The following CHEK2 variants were observed in gnomAD, a reference collection of about 807,000 sequenced individuals.
CHEK2 encodes serine/threonine-protein kinase Chk2.
In CHEK2, 71 loss-of-function variants were observed where a neutral mutation model predicts 69.1. That is an observed-to-expected ratio of 1.03 (90% CI 0.85 to 1.25). CHEK2 has a LOEUF of 1.25. Among genes scored for constraint, CHEK2 ranks in the 50% most tolerant of loss-of-function variants. CHEK2 has a pLI of 0.00. For missense variants in CHEK2, 664 were observed against 649.6 expected, an observed-to-expected ratio of 1.02 and a Z score of -0.24; for synonymous variants, 189 against 226.9, an observed-to-expected ratio of 0.83 and a Z score of 1.50.
intron 6 of CHEK2, among the ~76,000 whole-genome samples, chr22:28,710,622 G>A (rs2053358948): frequency 6.6e-6 from 1 of 152,184 alleles, no homozygotes; most frequent in African/African-American, 2.4e-5. Context: ...ACAAGAGGAG[G>A]CTTCAGGGTA....
At chr22:28,711,812 G>T in intron 6 of CHEK2, 97 bp downstream of exon 6, 1 of 865,334 alleles carries the variant, frequency 1.2e-6, no homozygotes, top group South Asian at 1.4e-5. Context: ...CTAAGCAGGG[G>T]GTTATTCCTG....
At chr22:28,693,739 A>G (rs1489588636) in intron 13 of CHEK2, among the ~76,000 whole-genome samples, 6 of 152,172 alleles carry the variant, frequency 3.9e-5, no homozygotes, top group Admixed American at 1.3e-4. Flanking sequence ...TGCACCTGTA[A>G]TCCCAGCTAC....
intron 5 of CHEK2, among the ~76,000 whole-genome samples, chr22:28,718,435 CA>C (rs1282151492): frequency 1.3e-5 from 2 of 151,008 alleles, no homozygotes; most frequent in East Asian, 1.9e-4. Flanking sequence ...GATATATATC[CA>C]AAAAAAAATT....
rs551671478 is a variant in CHEK2, at chr22:28,701,041, G to A, written c.909-1104C>T. On this transcript the variant is annotated intron_variant, in intron 8 of 14. Transcript: ENST00000404276. ...TGACCTCAGGTGATCTGCTCCCCTCGGCCTCTCAAAGTGCTGGGATTACAG... is the reference window on the plus strand; with the variant it reads ...TGACCTCAGGTGATCTGCTCCCCTCAGCCTCTCAAAGTGCTGGGATTACAG... Among the ~76,000 whole-genome samples the A allele has an allele frequency of 1.3e-4, 20 of 151,470 alleles. No homozygotes were observed. In the South Asian group the frequency reaches 3.8e-3, roughly 29 times the overall value.
rs188679956 is a variant in CHEK2, at chr22:28,732,583, G to A, written c.319+1820C>T. Among the ~76,000 whole-genome samples, 11 of 152,218 alleles carry A rather than the reference G, an allele frequency of 7.2e-5. No individual in the cohort carries two copies. The East Asian group carries it at 2.1e-3, about 29-fold the overall frequency. ...TTTTAAATCAGTTAAAAATAGCTTC[G>A]AGTGTCTACTTATAAATTTAAAGTT... On this transcript the variant is annotated intron_variant, in intron 2 of 14. Transcript: ENST00000404276.
intron 2 of CHEK2, among the ~76,000 whole-genome samples, chr22:28,733,858 G>A (rs1349606853): frequency 6.6e-6 from 1 of 151,030 alleles, no homozygotes; most frequent in Non-Finnish European, 1.5e-5. Flanking sequence ...GTCAGAGGCT[G>A]CAGTGAGCCG....
At chr22:28,741,200 C>T (rs1442358401) in intron 1 of CHEK2, among the ~76,000 whole-genome samples, 1 of 141,574 alleles carries the variant, frequency 7.1e-6, no homozygotes, top group Non-Finnish European at 1.5e-5. Flanking sequence ...TATATGTATA[C>T]TTTATATCAA....
At chr22:28,703,959 A>G (rs916075974) in intron 7 of CHEK2, among the ~76,000 whole-genome samples, 1 of 152,200 alleles carries the variant, frequency 6.6e-6, no homozygotes, top group African/African-American at 2.4e-5. Context: ...GAGCCCAGCC[A>G]TGCTGCCAAA....
At position 28,687,868 on chromosome 22, in the gene CHEK2, A is replaced by C; in HGVS notation, c.*29T>G. ...GAAAGATGACAGAGTGAAAGAAGGT[A>C]CATTTCTTTCGTGTTCAAACCACGG... is the stretch of plus-strand genomic sequence containing the variant. On this transcript the variant is annotated 3_prime_UTR_variant, in exon 15 of 15. Coordinates refer to ENST00000404276, the MANE Select transcript of CHEK2 (RefSeq NM_007194.4). 2 of 1,497,462 alleles carry C rather than the reference A, an allele frequency of 1.3e-6. No homozygotes were observed. The highest frequency in any genetic ancestry group is 1.8e-6 in the Non-Finnish European group (2 of 1,089,358). The allele number at this position is 1,497,462 out of a possible 1,614,324, so 92.8% of individuals were successfully genotyped here.
At chr22:28,707,935 C>T (rs1376785332) in intron 7 of CHEK2, among the ~76,000 whole-genome samples, 3 of 145,534 alleles carry the variant, frequency 2.1e-5, no homozygotes, top group African/African-American at 7.6e-5. Context: ...CTCCCGGGTT[C>T]ACGCCATTCT....
intron 2 of CHEK2, among the ~76,000 whole-genome samples, chr22:28,732,946 C>A (rs1202400334): frequency 6.6e-6 from 1 of 152,118 alleles, no homozygotes; most frequent in Non-Finnish European, 1.5e-5. Context: ...CATGCGCCAC[C>A]ACACCTGGCT....
In CHEK2 at chr22:28,734,654, C is replaced by T. The variant is rs1601853772; in HGVS notation, c.68G>A (p.Gly23Asp). The T allele has an allele frequency of 6.2e-7, 1 of 1,613,856 alleles. No individual in the cohort carries two copies. The highest frequency in any genetic ancestry group is 8.5e-7 in the Non-Finnish European group (1 of 1,180,000). Residue 23 changes from glycine (G) to aspartate (D), a missense_variant, in exon 2 of 15, where the codon GGC becomes GAC. Coordinates refer to ENST00000404276, the MANE Select transcript of CHEK2 (RefSeq NM_007194.4). ...HGSSACSQPHGSVTQSQGSSS... is the reference protein window; with the variant it reads ...HGSSACSQPHDSVTQSQGSSS... ...GGAGCCTTGGGACTGGGTAACGCTG[C>T]CATGGGGCTGTGAACAGGCACTGCT...
At chr22:28,730,044 C>T (rs2054148933) in intron 2 of CHEK2, among the ~76,000 whole-genome samples, 1 of 150,778 alleles carries the variant, frequency 6.6e-6, no homozygotes, top group Non-Finnish European at 1.5e-5. Flanking sequence ...GGGGTTTCAC[C>T]ATGTTGGCCA....
At chr22:28,723,861 A>T (rs2053892051) in intron 4 of CHEK2, among the ~76,000 whole-genome samples, 1 of 151,878 alleles carries the variant, frequency 6.6e-6, no homozygotes, top group Non-Finnish European at 1.5e-5. Flanking sequence ...AGGTGGGAGG[A>T]TCACTTGAGC....
intron 7 of CHEK2, 60 bp downstream of exon 7, chr22:28,709,946 A>G: frequency 9.9e-7 from 1 of 1,005,468 alleles, no homozygotes; most frequent in East Asian, 2.5e-5. Context: ...GAAAGGCTTT[A>G]TACTCTTCTC....
intron 4 of CHEK2, among the ~76,000 whole-genome samples, chr22:28,723,928 C>A (rs1273279840): frequency 6.6e-6 from 1 of 150,648 alleles, no homozygotes; most frequent in East Asian, 2.0e-4. Flanking sequence ...AGAGTGAGAC[C>A]ATGTCTCGAA....
At chr22:28,708,090 C>T (rs1370124027) in intron 7 of CHEK2, among the ~76,000 whole-genome samples, 7 of 152,148 alleles carry the variant, frequency 4.6e-5, no homozygotes, top group Admixed American at 4.6e-4. Flanking sequence ...CCACCCGCCC[C>T]GGCTTCCCAA....
At chr22:28,736,647 C>T (rs1022182975) in intron 1 of CHEK2, among the ~76,000 whole-genome samples, 5 of 152,152 alleles carry the variant, frequency 3.3e-5, no homozygotes, top group South Asian at 2.1e-4. Flanking sequence ...GACAGTTAGA[C>T]TGTCATAACA....
intron 8 of CHEK2, among the ~76,000 whole-genome samples, chr22:28,701,912 C>T (rs946441570): frequency 3.4e-4 from 52 of 151,648 alleles, no homozygotes; most frequent in African/African-American, 1.1e-3. Flanking sequence ...TATAAAATGG[C>T]GTAAGATTTG....
Sources: gnomAD v4.1 joint callset for allele counts (sites outside exome capture counted in the v4.1 genomes callset) on GRCh38, gnomAD v4.1.1 for gene constraint, MANE v1.5 for transcripts, NCBI Gene and HGNC (gene_info 2026-07-23, HGNC 2026-07-21) for gene names.